Variants in CLIP1 observed in about 807,000 individuals in gnomAD.
CLIP1 encodes CAP-Gly domain containing linker protein 1, also known as CAP-Gly domain-containing linker protein 1.
CLIP1 carries 66 observed loss-of-function variants against 161.6 expected under a neutral mutation model. That is an observed-to-expected ratio of 0.41 (90% confidence interval 0.33 to 0.50). The LOEUF (loss-of-function observed/expected upper bound fraction) is 0.50, where lower values mean the gene tolerates loss of function less well. Among genes scored for constraint, CLIP1 ranks in the 20% least tolerant of loss-of-function variants. CLIP1 has a pLI of 0.27. For synonymous variants in CLIP1, 598 were observed against 626.2 expected (o/e 0.96, Z 0.67); for missense variants, 1,376 against 1,702.0 (o/e 0.81, Z 3.37).
intron 1 of CLIP1, among the ~76,000 whole-genome samples, chr12:122,401,961 C>T (rs1956157909): frequency 6.6e-6 from 1 of 151,588 alleles, no homozygotes; most frequent in African/African-American, 2.4e-5. Context: ...TTTGCCATTG[C>T]ACTCCAGCCT....
chr12:122,347,327 A>G, intron 10 of CLIP1, 48 bp downstream of exon 10: 1 of 1,359,620 alleles, frequency 7.4e-7, no homozygotes, highest in Non-Finnish European at 1.1e-6. Flanking sequence ...TGAGGTGTCC[A>G]CCCTTCACAT....
intron 1 of CLIP1, among the ~76,000 whole-genome samples, chr12:122,418,829 T>C (rs553790305): frequency 3.3e-5 from 5 of 152,158 alleles, no homozygotes; most frequent in East Asian, 1.9e-4. Context: ...CTAATAAACA[T>C]TGTCTACTCT....
chr12:122,359,429 C>T (rs1263372639), intron 5 of CLIP1, among the ~76,000 whole-genome samples: 1 of 152,116 alleles, frequency 6.6e-6, no homozygotes, highest in South Asian at 2.1e-4. Context: ...GAAAGAATTC[C>T]TAATCCAGAA....
chr12:122,368,808 G>A (rs1017978796), intron 3 of CLIP1, among the ~76,000 whole-genome samples: 2 of 151,906 alleles, frequency 1.3e-5, no homozygotes, highest in East Asian at 1.9e-4. Context: ...GCAAGCACCT[G>A]TAATCCCAGC....
At chr12:122,284,501 C>T (rs566043531) in intron 21 of CLIP1, among the ~76,000 whole-genome samples, 21 of 151,722 alleles carry the variant, frequency 1.4e-4, no homozygotes, top group Middle Eastern at 3.4e-3. Flanking sequence ...TACAGATGCC[C>T]GCCACCGTGC....
chr12:122,306,525 GCA>G (rs2136470980), intron 20 of CLIP1, among the ~76,000 whole-genome samples: 1 of 152,296 alleles, frequency 6.6e-6, no homozygotes, highest in East Asian at 1.9e-4. Context: ...AGAAGCAGAA[GCA>G]CACGATCCTG....
intron 2 of CLIP1, among the ~76,000 whole-genome samples, chr12:122,378,416 T>C (rs745874910): frequency 2.0e-5 from 3 of 152,220 alleles, no homozygotes; most frequent in Non-Finnish European, 4.4e-5. Context: ...TGTGCTGTTT[T>C]GTTTTAAACA....
chr12:122,274,249 C>T, intron 24 of CLIP1, 87 bp from the exon 25 acceptor site: 2 of 1,197,878 alleles, frequency 1.7e-6, no homozygotes. Flanking sequence ...TACCTTTAAG[C>T]TCTGGCGGCA....
At chr12:122,352,310 G>A (rs1185530537) in intron 8 of CLIP1, among the ~76,000 whole-genome samples, 5 of 152,026 alleles carry the variant, frequency 3.3e-5, no homozygotes, top group Non-Finnish European at 5.9e-5. Flanking sequence ...ACCTACCTCG[G>A]CCTCCCAAAG....
intron 1 of CLIP1, among the ~76,000 whole-genome samples, chr12:122,383,843 CAA>C (rs60679618): frequency 1.4e-5 from 2 of 138,264 alleles, no homozygotes; most frequent in Non-Finnish European, 1.6e-5. Flanking sequence ...ATGTGCAAAA[CAA>C]AAAAAAAAAG....
chr12:122,368,784 A>G (rs1188570760), intron 3 of CLIP1, among the ~76,000 whole-genome samples: 2 of 152,154 alleles, frequency 1.3e-5, no homozygotes, highest in African/African-American at 4.8e-5. Context: ...TACAAAAATT[A>G]GTCGGGCATG....
At chr12:122,412,272 C>T (rs1269133975) in intron 1 of CLIP1, among the ~76,000 whole-genome samples, 3 of 150,648 alleles carry the variant, frequency 2.0e-5, no homozygotes, top group African/African-American at 7.3e-5. Context: ...CCATGTTGCC[C>T]TGAGCTCACG....
intron 1 of CLIP1, among the ~76,000 whole-genome samples, chr12:122,412,377 AGGCG>A (rs1956572864): frequency 6.9e-6 from 1 of 145,394 alleles, no homozygotes; most frequent in Non-Finnish European, 1.5e-5. Context: ...GACTGAGGCC[AGGCG>A]TGGTGGCTCA....
At chr12:122,302,264 C>T (rs1950711769) in intron 20 of CLIP1, among the ~76,000 whole-genome samples, 1 of 151,980 alleles carries the variant, frequency 6.6e-6, no homozygotes, top group Non-Finnish European at 1.5e-5. Context: ...CCATGCCTGG[C>T]TATTTTTTTT....
intron 11 of CLIP1, among the ~76,000 whole-genome samples, chr12:122,339,582 C>T (rs918173613): frequency 1.2e-4 from 19 of 152,130 alleles, no homozygotes; most frequent in African/African-American, 4.6e-4. Context: ...CTCAGCCTCC[C>T]AAAGCACTGG....
chr12:122,275,453 A>T (rs963424165), intron 24 of CLIP1: 3 of 151,974 alleles, frequency 2.0e-5, no homozygotes, highest in Non-Finnish European at 2.9e-5. Context: ...TCTAGTAAAA[A>T]TACAAAAATT....
At chr12:122,308,388 G>A (rs1320326812) in intron 20 of CLIP1, among the ~76,000 whole-genome samples, 12 of 152,220 alleles carry the variant, frequency 7.9e-5, no homozygotes. Flanking sequence ...TGATGCTGGA[G>A]ATGCCAAATG....
intron 12 of CLIP1, among the ~76,000 whole-genome samples, chr12:122,335,117 A>C (rs1228921795): frequency 6.6e-6 from 1 of 152,186 alleles, no homozygotes; most frequent in African/African-American, 2.4e-5. Context: ...TCTGAGAGTA[A>C]TCTAATATCT....
At chr12:122,396,502 G>T (rs1327252869) in intron 1 of CLIP1, 1 of 152,100 alleles carries the variant, frequency 6.6e-6, no homozygotes, top group Non-Finnish European at 1.5e-5. Flanking sequence ...TTATCTCAAT[G>T]GAATCACTGG....
Sources: gnomAD v4.1 joint callset for allele counts (sites outside exome capture counted in the v4.1 genomes callset) on GRCh38, gnomAD v4.1.1 for gene constraint, MANE v1.5 for transcripts, NCBI Gene and HGNC (gene_info 2026-07-23, HGNC 2026-07-21) for gene names.